The following OR4X2 variants were observed in gnomAD, a reference collection of about 807,000 sequenced individuals.
OR4X2 encodes the protein olfactory receptor family 4 subfamily X member 2.
For synonymous variants in OR4X2, 205 were observed against 136.6 expected (o/e 1.50, Z -3.49); for missense variants, 554 against 359.5 (o/e 1.54, Z -4.38).
In OR4X2 at chr11:48,245,680, G is replaced by T; in HGVS notation, c.577G>T (p.Ala193Ser). 5.0e-6 allele frequency: 8 copies of T among 1,613,992 alleles called. No homozygotes were observed. The highest frequency in any genetic ancestry group is 6.8e-6 in the Non-Finnish European group (8 of 1,179,986). ...CTTCCTCATTGGTCTGCTGATTGTT[G>T]CCAATGGAGGCACCCTGTCTGTGAT... The part of the protein sequence containing the change: ...DTFLIGLLIV[A>S]NGGTLSVISF... The change falls in exon 1 of 1, where the codon GCC (alanine) becomes TCC (serine). Residue 193 changes from alanine to serine, a missense_variant. Ala to Ser is a moderately conservative substitution (Grantham distance 99). Coordinates refer to ENST00000624868, the MANE Select transcript of OR4X2 (RefSeq NM_001004727.1).
In OR4X2 at chr11:48,245,123, T is replaced by G. The variant is rs1565358407; in HGVS notation, c.20T>G (p.Leu7Arg). MTEFIF[L>R]VLSPNQEVQR... The stretch of plus-strand genomic sequence containing the variant: ...CACAACATGACTGAATTCATTTTTC[T>G]GGTACTTTCTCCCAACCAGGAGGTG... The change falls in exon 1 of 1, where the codon CTG becomes CGG. Residue 7 changes from leucine (L) to arginine (R), a missense_variant. Coordinates refer to ENST00000624868, the MANE Select transcript of OR4X2 (RefSeq NM_001004727.1). 1 of 1,612,976 alleles carries G rather than the reference T, an allele frequency of 6.2e-7. No homozygotes were observed. The highest frequency in any genetic ancestry group is 1.7e-5 in the Admixed American group (1 of 59,984).
In OR4X2 at chr11:48,245,392, C is replaced by T. The variant is rs1165881517; in HGVS notation, c.289C>T (p.His97Tyr). ...WGCMAQLFFLHFFGGTEIFLL... is the reference protein window; with the variant it reads ...WGCMAQLFFLYFFGGTEIFLL... The stretch of plus-strand genomic sequence containing the variant: ...CTGCATGGCACAGCTTTTCTTCTTG[C>T]ACTTCTTTGGTGGCACTGAGATTTT... Residue 97 changes from histidine to tyrosine, a missense_variant, in exon 1 of 1, where the codon CAC becomes TAC. Physicochemically the swap from His to Tyr is moderately conservative, Grantham distance 83. Transcript: ENST00000624868. 5 of 1,614,158 alleles carry T rather than the reference C, an allele frequency of 3.1e-6. No individual in the cohort carries two copies. The highest frequency in any genetic ancestry group is 4.2e-6 in the Non-Finnish European group (5 of 1,180,030).
Position 48,245,960 on chromosome 11 carries a change from T to G in OR4X2, c.857T>G (p.Met286Arg), listed in dbSNP as rs773448793. The G allele has an allele frequency of 3.1e-6, 5 of 1,614,036 alleles. No individual in the cohort carries two copies. In the South Asian group the frequency reaches 4.4e-5, roughly 14 times the overall value. Reference protein sequence around the residue: ...PVIYSLRNAEMRKAMKRLWIR... With the variant: ...PVIYSLRNAERRKAMKRLWIR... The stretch of plus-strand genomic sequence containing the variant: ...ATCTACTCTCTGAGAAATGCTGAAA[T>G]GAGGAAGGCCATGAAGAGGCTGTGG... Residue 286 changes from methionine (M) to arginine (R), a missense_variant, in exon 1 of 1, where the codon ATG becomes AGG. Coordinates refer to ENST00000624868, the MANE Select transcript of OR4X2 (RefSeq NM_001004727.1).
In OR4X2 at chr11:48,245,706, C is replaced by A; in HGVS notation, c.603C>A (p.Ile201=). Residue 201 remains isoleucine, a synonymous_variant, in exon 1 of 1, where the codon ATC becomes ATA. Coordinates refer to ENST00000624868, the MANE Select transcript of OR4X2 (RefSeq NM_001004727.1). The part of the protein sequence containing the change: ...IVANGGTLSV[I]SFGVLLASYM... ...CCAATGGAGGCACCCTGTCTGTGATCAGTTTTGGGGTCCTCTTAGCATCCT... is the reference window on the plus strand; with the variant it reads ...CCAATGGAGGCACCCTGTCTGTGATAAGTTTTGGGGTCCTCTTAGCATCCT... The A allele has an allele frequency of 6.2e-7, 1 of 1,614,140 alleles. No individual in the cohort carries two copies. The highest frequency in any genetic ancestry group is 8.5e-7 in the Non-Finnish European group (1 of 1,180,020).
rs535871935 is a variant in OR4X2 at position 48,245,135 on chromosome 11, C to G, written c.32C>G (p.Pro11Arg). MTEFIFLVLS[P>R]NQEVQRVCFV... ...GAATTCATTTTTCTGGTACTTTCTC[C>G]CAACCAGGAGGTGCAGAGGGTTTGC... The change falls in exon 1 of 1, where the codon CCC (proline) becomes CGC (arginine). Residue 11 changes from proline (P) to arginine (R), a missense_variant. Physicochemically the swap from Pro to Arg is moderately radical, Grantham distance 103. Transcript: ENST00000624868. 6.2e-7 allele frequency: 1 copy of G among 1,613,464 alleles called. No individual in the cohort carries two copies. The highest frequency in any genetic ancestry group is 1.7e-5 in the Admixed American group (1 of 59,960).
In OR4X2 at chr11:48,245,523, A is replaced by T; in HGVS notation, c.420A>T (p.Ala140=). The T allele has an allele frequency of 6.2e-7, 1 of 1,614,120 alleles. No homozygotes were observed. Among genetic ancestry groups the T allele is most frequent in the Non-Finnish European group, 8.5e-7 (1 of 1,180,030 alleles). ...WQVCTVLVGI[A]WVGGFMHSFA... The stretch of plus-strand genomic sequence containing the variant: ...TGTGTACTGTCCTTGTAGGAATAGC[A>T]TGGGTGGGAGGCTTCATGCATTCCT... Residue 140 remains alanine (A), a synonymous_variant, in exon 1 of 1, where the codon GCA becomes GCT. Coordinates refer to ENST00000624868, the MANE Select transcript of OR4X2 (RefSeq NM_001004727.1).
Position 48,245,296 on chromosome 11 carries a change from T to C in OR4X2, c.193T>C (p.Tyr65His), listed in dbSNP as rs931662510. Reference protein sequence around the residue: ...LSYLSFMEICYSSATAPKLIS... With the variant: ...LSYLSFMEICHSSATAPKLIS... ...CTACCTCTCCTTCATGGAGATCTGC[T>C]ACTCCTCCGCTACAGCCCCCAAACT... Residue 65 changes from tyrosine to histidine, a missense_variant, in exon 1 of 1, where the codon TAC (tyrosine) becomes CAC (histidine). Transcript: ENST00000624868. 14 of 1,614,128 alleles carry C rather than the reference T, an allele frequency of 8.7e-6. No individual in the cohort carries two copies. The highest frequency in any genetic ancestry group is 1.2e-5 in the Non-Finnish European group (14 of 1,180,000).
chr11:48,245,119 T>C lies in OR4X2; in HGVS notation c.16T>C (p.Phe6Leu). ...CATACACAACATGACTGAATTCATT[T>C]TTCTGGTACTTTCTCCCAACCAGGA... MTEFI[F>L]LVLSPNQEVQ... Residue 6 changes from phenylalanine (F) to leucine (L), a missense_variant, in exon 1 of 1, where the codon TTT (phenylalanine) becomes CTT (leucine). By Grantham distance (22) the Phe-to-Leu change is conservative. Transcript: ENST00000624868. 1 of 1,612,612 alleles carries C rather than the reference T, an allele frequency of 6.2e-7. No homozygotes were observed. The highest frequency in any genetic ancestry group is 8.5e-7 in the Non-Finnish European group (1 of 1,179,058).
Position 48,245,940 on chromosome 11 carries a change from C to A in OR4X2, c.837C>A (p.Tyr279Ter), listed in dbSNP as rs1374883107. ...VITAILNPVI[Y>*]SLRNAEMRKA... ...CCGCGATCCTGAACCCTGTCATCTA[C>A]TCTCTGAGAAATGCTGAAATGAGGA... The change falls in exon 1 of 1, where the codon TAC (tyrosine) becomes TAA (stop). Residue 279 changes from tyrosine (Y) to a stop codon, truncating the protein, a stop_gained. Coordinates refer to ENST00000624868, the MANE Select transcript of OR4X2 (RefSeq NM_001004727.1). LOFTEE classifies it low-confidence loss of function (END_TRUNC). 2 of 1,614,106 alleles carry A rather than the reference C, an allele frequency of 1.2e-6. No homozygotes were observed. Among genetic ancestry groups the A allele is most frequent in the East Asian group, 4.5e-5 (2 of 44,874 alleles).
Position 48,245,497 on chromosome 11 carries a change from G to A in OR4X2, c.394G>A (p.Val132Met), listed in dbSNP as rs1050007917. 6.2e-7 allele frequency: 1 copy of A among 1,614,156 alleles called. No homozygotes were observed. Among genetic ancestry groups the A allele is most frequent in the Admixed American group, 1.7e-5 (1 of 60,006 alleles). The part of the protein sequence containing the change: ...LSYTTIMNWQ[V>M]CTVLVGIAWV... ...CTACACCACCATCATGAACTGGCAG[G>A]TGTGTACTGTCCTTGTAGGAATAGC... Residue 132 changes from valine (V) to methionine (M), a missense_variant, in exon 1 of 1, where the codon GTG (valine) becomes ATG (methionine). Physicochemically the swap from Val to Met is conservative, Grantham distance 21. Coordinates refer to ENST00000624868, the MANE Select transcript of OR4X2 (RefSeq NM_001004727.1).
In OR4X2 at chr11:48,245,503, A is replaced by T; in HGVS notation, c.400A>T (p.Thr134Ser). The stretch of plus-strand genomic sequence containing the variant: ...CACCATCATGAACTGGCAGGTGTGT[A>T]CTGTCCTTGTAGGAATAGCATGGGT... ...YTTIMNWQVC[T>S]VLVGIAWVGG... is the part of the protein sequence containing the mutation. The change falls in exon 1 of 1, where the codon ACT (threonine) becomes TCT (serine). Residue 134 changes from threonine (T) to serine (S), a missense_variant. Physicochemically the swap from Thr to Ser is moderately conservative, Grantham distance 58 (BLOSUM62 1). Transcript: ENST00000624868. 1 of 1,614,140 alleles carries T rather than the reference A, an allele frequency of 6.2e-7. No homozygotes were observed. The highest frequency in any genetic ancestry group is 8.5e-7 in the Non-Finnish European group (1 of 1,180,022).
chr11:48,245,607 C>T lies in OR4X2; in HGVS notation c.504C>T (p.His168=). Residue 168 remains histidine (H), a synonymous_variant, in exon 1 of 1, where the codon CAC becomes CAT. Transcript: ENST00000624868. ...LLFCGPNVIN[H]YFCDLVPLLK... The stretch of plus-strand genomic sequence containing the variant: ...TCTGTGGCCCCAATGTGATCAATCA[C>T]TATTTCTGTGACCTAGTTCCCCTTC... 6.2e-7 allele frequency: 1 copy of T among 1,614,188 alleles called. No homozygotes were observed. The highest frequency in any genetic ancestry group is 8.5e-7 in the Non-Finnish European group (1 of 1,180,032).
At position 48,245,881 on chromosome 11, in the gene OR4X2, G is replaced by C. The variant is rs755825729; in HGVS notation, c.778G>C (p.Asp260His). 12 of 1,614,134 alleles carry C rather than the reference G, an allele frequency of 7.4e-6. No individual in the cohort carries two copies. In the South Asian group the frequency reaches 1.2e-4, roughly 16 times the overall value. Residue 260 changes from aspartate to histidine, a missense_variant, in exon 1 of 1, where the codon GAC becomes CAC. By Grantham distance (81) the Asp-to-His change is moderately conservative (BLOSUM62 -1). Coordinates refer to ENST00000624868, the MANE Select transcript of OR4X2 (RefSeq NM_001004727.1). The part of the protein sequence containing the change: ...SLRPSTTLPI[D>H]KMVAVFYTVI... ...GAGGCCTTCTACCACTCTGCCCATA[G>C]ACAAGATGGTGGCTGTGTTCTACAC...
rs1357764542 is a variant in OR4X2 at position 48,245,644 on chromosome 11, T to C, written c.541T>C (p.Cys181Arg). 2.5e-6 allele frequency: 4 copies of C among 1,614,200 alleles called. No individual in the cohort carries two copies. The highest frequency in any genetic ancestry group is 3.4e-6 in the Non-Finnish European group (4 of 1,180,020). The stretch of plus-strand genomic sequence containing the variant: ...CCTAGTTCCCCTTCTCAAACTTGCC[T>C]GCTCTGACACCTTCCTCATTGGTCT... ...CDLVPLLKLA[C>R]SDTFLIGLLI... Residue 181 changes from cysteine (C) to arginine (R), a missense_variant, in exon 1 of 1, where the codon TGC becomes CGC. By Grantham distance (180) the Cys-to-Arg change is radical. Transcript: ENST00000624868.
At position 48,245,927 on chromosome 11, in the gene OR4X2, A is replaced by C. The variant is rs753096221; in HGVS notation, c.824A>C (p.Asn275Thr). The stretch of plus-strand genomic sequence containing the variant: ...TACACAGTGATAACCGCGATCCTGA[A>C]CCCTGTCATCTACTCTCTGAGAAAT... ...VFYTVITAIL[N>T]PVIYSLRNAE... The change falls in exon 1 of 1, where the codon AAC becomes ACC. Residue 275 changes from asparagine to threonine, a missense_variant. Transcript: ENST00000624868. 1.2e-6 allele frequency: 2 copies of C among 1,614,074 alleles called. No homozygotes were observed. Among genetic ancestry groups the C allele is most frequent in the South Asian group, 2.2e-5 (2 of 91,080 alleles).
chr11:48,245,980 C>G lies in OR4X2; in HGVS notation c.877C>G (p.Leu293Val). The G allele has an allele frequency of 1.2e-6, 2 of 1,613,772 alleles. No homozygotes were observed. Among genetic ancestry groups the G allele is most frequent in the Non-Finnish European group, 8.5e-7 (1 of 1,179,896 alleles). Reference protein sequence around the residue: ...NAEMRKAMKRLWIRTLRLNEK With the variant: ...NAEMRKAMKRVWIRTLRLNEK Reference sequence around the variant, plus strand: ...TGAAATGAGGAAGGCCATGAAGAGGCTGTGGATTAGGACATTGAGACTAAA... The same window carrying G: ...TGAAATGAGGAAGGCCATGAAGAGGGTGTGGATTAGGACATTGAGACTAAA... The change falls in exon 1 of 1, where the codon CTG becomes GTG. Residue 293 changes from leucine (L) to valine (V), a missense_variant. Coordinates refer to ENST00000624868, the MANE Select transcript of OR4X2 (RefSeq NM_001004727.1).
chr11:48,245,889 G>T lies in OR4X2; in HGVS notation c.786G>T (p.Met262Ile), dbSNP rs748819685. The change falls in exon 1 of 1, where the codon ATG becomes ATT. Residue 262 changes from methionine (M) to isoleucine (I), a missense_variant. Physicochemically the swap from Met to Ile is conservative, Grantham distance 10 (BLOSUM62 1). Coordinates refer to ENST00000624868, the MANE Select transcript of OR4X2 (RefSeq NM_001004727.1). ...CTACCACTCTGCCCATAGACAAGAT[G>T]GTGGCTGTGTTCTACACAGTGATAA... ...RPSTTLPIDKMVAVFYTVITA... is the reference protein window; with the variant it reads ...RPSTTLPIDKIVAVFYTVITA... 3.7e-6 allele frequency: 6 copies of T among 1,614,120 alleles called. No homozygotes were observed. In the Admixed American group the frequency reaches 5.0e-5, roughly 13 times the overall value.
rs1859048160 is a variant in OR4X2, at chr11:48,245,231, C to A, written c.128C>A (p.Thr43Asn). Residue 43 changes from threonine to asparagine, a missense_variant, in exon 1 of 1, where the codon ACC becomes AAC. Thr to Asn is a moderately conservative substitution (Grantham distance 65). Coordinates refer to ENST00000624868, the MANE Select transcript of OR4X2 (RefSeq NM_001004727.1). ...TTCCTCATTGTGCTCACTGTCATGA[C>A]CAGCAGAAGCCTTGGTTCCCCCATG... ...GNFLIVLTVM[T>N]SRSLGSPMYF... 1 of 1,614,034 alleles carries A rather than the reference C, an allele frequency of 6.2e-7. No individual in the cohort carries two copies.
Position 48,245,149 on chromosome 11 carries a change from C to T in OR4X2, c.46C>T (p.Gln16Ter). The T allele has an allele frequency of 2.5e-6, 4 of 1,614,028 alleles. No homozygotes were observed. Among genetic ancestry groups the T allele is most frequent in the South Asian group, 1.1e-5 (1 of 91,056 alleles). Residue 16 changes from glutamine (Q) to a stop codon, truncating the protein, a stop_gained, in exon 1 of 1, where the codon CAG becomes TAG. Transcript: ENST00000624868. LOFTEE classifies it low-confidence loss of function (END_TRUNC). Reference sequence around the variant, plus strand: ...GGTACTTTCTCCCAACCAGGAGGTGCAGAGGGTTTGCTTTGTGATATTTCT... The same window carrying T: ...GGTACTTTCTCCCAACCAGGAGGTGTAGAGGGTTTGCTTTGTGATATTTCT... ...FLVLSPNQEV[Q>*]RVCFVIFLFL... is the part of the protein sequence containing the mutation.
Sources: gnomAD v4.1 joint callset for allele counts on GRCh38, gnomAD v4.1.1 for gene constraint, MANE v1.5 for transcripts, NCBI Gene and HGNC (gene_info 2026-07-23, HGNC 2026-07-21) for gene names.